The following COL22A1 variants were observed in gnomAD, a reference collection of about 807,000 sequenced individuals.
The protein encoded by COL22A1 is collagen type XXII alpha 1 chain, also known as collagen alpha-1(XXII) chain.
A neutral mutation model predicts 248.9 loss-of-function variants in COL22A1; 221 were observed. That is an observed-to-expected ratio of 0.89 (90% CI 0.80 to 0.99). The LOEUF (loss-of-function observed/expected upper bound fraction) is 0.99. COL22A1 is among the 50% of genes least tolerant of loss of function. The probability of loss-of-function intolerance (pLI) is 0.00; values close to 1 mark genes in which losing one functional copy is unlikely to be tolerated. For synonymous variants in COL22A1, 891 were observed against 793.4 expected (o/e 1.12, Z -2.07); for missense variants, 2,240 against 2,179.0 (o/e 1.03, Z -0.56).
chr8:138,826,506 T>C lies in COL22A1; in HGVS notation c.969+152A>G, dbSNP rs2131786217. 4.0e-6 allele frequency: 3 copies of C among 740,996 alleles called. No homozygotes were observed. The South Asian group carries it at 5.3e-5, about 13-fold the overall frequency. The allele number at this position is 740,996 out of a possible 1,614,324, so 45.9% of individuals were successfully genotyped here. ...CTCTTGGGTCTCATGACATCCCCCC[T>C]GCAGGTCCTCTGAGCCTCCATACGC... On this transcript the variant is annotated intron_variant, in intron 6 of 64. Transcript: ENST00000303045.
chr8:138,793,990 C>T (rs1816281121), intron 12 of COL22A1, among the ~76,000 whole-genome samples: 1 of 152,186 alleles, frequency 6.6e-6, no homozygotes, highest in Non-Finnish European at 1.5e-5. Flanking sequence ...GACCTCCGGA[C>T]CCCGGAAGTC....
chr8:138,651,244 C>A (rs1822706896), intron 45 of COL22A1, among the ~76,000 whole-genome samples: 1 of 152,180 alleles, frequency 6.6e-6, no homozygotes, highest in Non-Finnish European at 1.5e-5. Flanking sequence ...TACTGAAGTA[C>A]TAGTCTCCTT....
chr8:138,617,395 G>A (rs1463815302), intron 53 of COL22A1, among the ~76,000 whole-genome samples: 1 of 152,072 alleles, frequency 6.6e-6, no homozygotes, highest in Non-Finnish European at 1.5e-5. Flanking sequence ...TGTTCCTGTG[G>A]CCATTGCTGG....
chr8:138,842,504 G>A (rs1008250193), intron 4 of COL22A1, among the ~76,000 whole-genome samples: 3 of 152,152 alleles, frequency 2.0e-5, no homozygotes, highest in Non-Finnish European at 2.9e-5. Flanking sequence ...GAAAAGTTGC[G>A]CAGACACATT....
intron 16 of COL22A1, among the ~76,000 whole-genome samples, chr8:138,769,508 C>T (rs893929083): frequency 2.0e-5 from 3 of 152,110 alleles, no homozygotes; most frequent in African/African-American, 7.2e-5. Context: ...GATGCCCATT[C>T]CCAGGGACTT....
intron 7 of COL22A1, among the ~76,000 whole-genome samples, 167 bp downstream of exon 7, chr8:138,820,969 T>TA (rs1015012153): frequency 2.0e-5 from 3 of 152,194 alleles, no homozygotes; most frequent in African/African-American, 7.2e-5. Context: ...GAATTGGGGT[T>TA]CAAATATGGC....
intron 41 of COL22A1, among the ~76,000 whole-genome samples, chr8:138,668,522 C>A (rs1824711866): frequency 6.6e-6 from 1 of 152,204 alleles, no homozygotes; most frequent in Non-Finnish European, 1.5e-5. Flanking sequence ...CTGAAAGCCG[C>A]ATATGGCTTT....
chr8:138,757,333 G>A (rs1404756340), intron 18 of COL22A1, among the ~76,000 whole-genome samples: 1 of 152,180 alleles, frequency 6.6e-6, no homozygotes, highest in African/African-American at 2.4e-5. Flanking sequence ...TGTGTGGAGG[G>A]AGAGAGAGAA....
intron 28 of COL22A1, 73 bp from the exon 29 acceptor site, chr8:138,716,362 C>T: frequency 9.7e-7 from 1 of 1,030,898 alleles, no homozygotes. Flanking sequence ...GCCATGTGCT[C>T]TCAGTTCCTG....
At chr8:138,735,211 C>G (rs1831015098) in intron 23 of COL22A1, among the ~76,000 whole-genome samples, 1 of 152,118 alleles carries the variant, frequency 6.6e-6, no homozygotes, top group African/African-American at 2.4e-5. Context: ...AAAAAGAAAC[C>G]TGGCCTCTTA....
intron 43 of COL22A1, 109 bp from the exon 44 acceptor site, chr8:138,660,589 G>A: frequency 3.2e-6 from 3 of 947,926 alleles, no homozygotes; most frequent in Admixed American, 2.2e-5. Context: ...ACTCAGTGGG[G>A]AAAAAAAATC....
chr8:138,627,919 G>C (rs4445228), intron 50 of COL22A1, among the ~76,000 whole-genome samples: 5 of 152,134 alleles, frequency 3.3e-5, no homozygotes, highest in African/African-American at 1.2e-4. Flanking sequence ...AGTTAAGTCA[G>C]AGTTTTGAAG....
intron 11 of COL22A1, among the ~76,000 whole-genome samples, chr8:138,801,390 C>A (rs575986708): frequency 1.3e-5 from 2 of 152,220 alleles, no homozygotes; most frequent in African/African-American, 2.4e-5. Context: ...GGCATCACTA[C>A]GCATGAGGGG....
rs201209585 is a variant in COL22A1 at position 138,633,167 on chromosome 8, T to C, written c.3609+1843A>G. Among the ~76,000 whole-genome samples the C allele has an allele frequency of 1.1e-4, 17 of 152,270 alleles. No homozygotes were observed. The East Asian group carries it at 3.3e-3, about 29-fold the overall frequency. On this transcript the variant is annotated intron_variant, in intron 49 of 64. Coordinates refer to ENST00000303045, the MANE Select transcript of COL22A1 (RefSeq NM_152888.3). ...GAAAGGTTAATTTTCTGCTGTGGAGTTGCTTCTGCATGATTGGCTGCTGAA... is the reference window on the plus strand; with the variant it reads ...GAAAGGTTAATTTTCTGCTGTGGAGCTGCTTCTGCATGATTGGCTGCTGAA...
chr8:138,664,197 G>GCGCGCA lies in COL22A1; in HGVS notation c.3151-458_3151-457insTGCGCG, dbSNP rs1436829047. 3.1e-4 allele frequency among the ~76,000 whole-genome samples: 22 copies of GCGCGCA among 70,264 alleles called. No individual in the cohort carries two copies. In the East Asian group the frequency reaches 6.1e-3, roughly 20 times the overall value. The allele number at this position is 70,264 out of a possible 152,430, so 46.1% of individuals were successfully genotyped here. A position where few individuals can be genotyped will look rare whatever the true frequency, so the allele number is the denominator to read the frequency against. On this transcript the variant is annotated intron_variant, in intron 41 of 64. Transcript: ENST00000303045. ...TGCTCCCTTCTCCAACAAGGGGTGC[G>GCGCGCA]CGCGCGCGCGCGCACACACACACAC... is the stretch of plus-strand genomic sequence containing the variant.
intron 6 of COL22A1, among the ~76,000 whole-genome samples, chr8:138,823,804 C>T (rs1819356476): frequency 6.6e-6 from 1 of 152,206 alleles, no homozygotes; most frequent in South Asian, 2.1e-4. Context: ...TGCTTTTAAA[C>T]AGGCATTTTC....
chr8:138,860,701 G>A (rs567632672), intron 3 of COL22A1, among the ~76,000 whole-genome samples: 16 of 152,214 alleles, frequency 1.1e-4, no homozygotes, highest in Middle Eastern at 3.4e-3. Flanking sequence ...CCAGCTATTC[G>A]GGAGGCTGAG....
At position 138,596,990 on chromosome 8, in the gene COL22A1, G is replaced by T; in HGVS notation, c.4366-20C>A. 1.9e-6 allele frequency: 3 copies of T among 1,605,412 alleles called. No individual in the cohort carries two copies. The highest frequency in any genetic ancestry group is 4.5e-5 in the East Asian group (2 of 44,816). ...CTCCCCCTAGGAGGGAGGGAAGGTGGAGTCATTCATCTTCCCAGTAACTTC... is the reference window on the plus strand; with the variant it reads ...CTCCCCCTAGGAGGGAGGGAAGGTGTAGTCATTCATCTTCCCAGTAACTTC... On this transcript the variant is annotated intron_variant, in intron 61 of 64. Transcript: ENST00000303045.
At chr8:138,705,634 C>T (rs1415452448) in intron 30 of COL22A1, among the ~76,000 whole-genome samples, 1 of 152,106 alleles carries the variant, frequency 6.6e-6, no homozygotes, top group Non-Finnish European at 1.5e-5. Flanking sequence ...GAAGGAAGCA[C>T]TAAACATGGA....
Sources: gnomAD v4.1 joint callset for allele counts (sites outside exome capture counted in the v4.1 genomes callset) on GRCh38, gnomAD v4.1.1 for gene constraint, MANE v1.5 for transcripts, NCBI Gene and HGNC (gene_info 2026-07-23, HGNC 2026-07-21) for gene names.